Variants in ZYG11A observed in about 807,000 individuals in gnomAD.
The protein encoded by ZYG11A is protein zyg-11 homolog A.
In ZYG11A, 62 loss-of-function variants were observed where a neutral mutation model predicts 77.2. The ratio of observed to expected loss-of-function variants is 0.80; its 90% CI spans 0.65 to 0.99. The LOEUF is 0.99. Among genes scored for constraint, ZYG11A ranks in the 50% least tolerant of loss-of-function variants. ZYG11A has a pLI of 0.00. For missense variants in ZYG11A, 828 were observed against 896.8 expected, an observed-to-expected ratio of 0.92 and a Z score of 0.98; for synonymous variants, 315 against 324.6, an observed-to-expected ratio of 0.97 and a Z score of 0.32.
chr1:52,863,958 A>G (rs1449029855), intron 4 of ZYG11A, 23 bp from the exon 5 acceptor site: 3 of 1,540,984 alleles, frequency 1.9e-6, no homozygotes, highest in Admixed American at 2.0e-5. Flanking sequence ...CATCATATGC[A>G]CTAAAAACAA....
chr1:52,854,182 A>G (rs1250436486), intron 1 of ZYG11A, among the ~76,000 whole-genome samples: 11 of 152,354 alleles, frequency 7.2e-5, no homozygotes, highest in Non-Finnish European at 1.3e-4. Flanking sequence ...ACCATTTTAT[A>G]TAAGGAGACT....
At chr1:52,892,736 A>G in intron 13 of ZYG11A, 46 bp from the exon 14 acceptor site, 1 of 1,510,102 alleles carries the variant, frequency 6.6e-7, no homozygotes. Context: ...GGGAGTATTT[A>G]AAATGCCAGT....
At chr1:52,866,264 T>C (rs768134891) in intron 5 of ZYG11A, among the ~76,000 whole-genome samples, 1 of 152,090 alleles carries the variant, frequency 6.6e-6, no homozygotes, top group African/African-American at 2.4e-5. Flanking sequence ...AAAAATACAG[T>C]TAGGAAGGTG....
intron 8 of ZYG11A, among the ~76,000 whole-genome samples, chr1:52,873,648 G>A (rs1230096107): frequency 6.6e-6 from 1 of 152,134 alleles, no homozygotes; most frequent in Non-Finnish European, 1.5e-5. Context: ...AAACCTGGTT[G>A]GATGAGACAG....
At chr1:52,844,843 T>G (rs1017108458) in intron 1 of ZYG11A, among the ~76,000 whole-genome samples, 1 of 152,174 alleles carries the variant, frequency 6.6e-6, no homozygotes. Flanking sequence ...TATATTGATC[T>G]TGTATCCTAC....
In ZYG11A at chr1:52,859,672, T is replaced by TGCC. The variant is rs1557436693; in HGVS notation, c.1009-1059_1009-1058insGCC. 3.9e-5 allele frequency among the ~76,000 whole-genome samples: 4 copies of TGCC among 101,784 alleles called. 2 individuals carry two copies. The highest frequency in any genetic ancestry group is 1.8e-4 in the African/African-American group (4 of 22,114). The allele number at this position is 101,784 out of a possible 152,430, so 66.8% of individuals were successfully genotyped here. A position where few individuals can be genotyped will look rare whatever the true frequency, so the allele number is the denominator to read the frequency against. The stretch of plus-strand genomic sequence containing the variant: ...TTTATCTGTTTGTGTATTGCCTTTT[T>TGCC]TTTTTTTTTTTTTTTTTTTTTTTGA... On this transcript the variant is annotated intron_variant, in intron 3 of 13. Coordinates refer to ENST00000371528, the MANE Select transcript of ZYG11A (RefSeq NM_001004339.3).
intron 2 of ZYG11A, among the ~76,000 whole-genome samples, chr1:52,856,514 GT>G (rs1645815793): frequency 6.6e-6 from 1 of 150,826 alleles, no homozygotes; most frequent in Non-Finnish European, 1.5e-5. Context: ...CAACCCATTC[GT>G]TTTACAGATG....
intron 1 of ZYG11A, among the ~76,000 whole-genome samples, chr1:52,843,644 T>C (rs1280042489): frequency 2.0e-5 from 3 of 152,102 alleles, no homozygotes; most frequent in Admixed American, 6.5e-5. Flanking sequence ...AATGTGTGTT[T>C]AGCGCCTGCT....
chr1:52,867,958 CT>C lies in ZYG11A; in HGVS notation c.1542+207del, dbSNP rs1050261180. ...TCTTTTGGTATGTACCTCCACATTT[CT>C]TTTTTTTTTTTTTTTTTTTTTTTTT... On this transcript the variant is annotated intron_variant, in intron 8 of 13. Coordinates refer to ENST00000371528, the MANE Select transcript of ZYG11A (RefSeq NM_001004339.3). 1.1e-3 allele frequency among the ~76,000 whole-genome samples: 110 copies of C among 98,162 alleles called. 4 individuals are homozygous for C. Among genetic ancestry groups the C allele is most frequent in the East Asian group, 4.2e-3 (8 of 1,926 alleles). 64.4% of individuals were successfully genotyped at this position (98,162 alleles called of 152,430 possible).
chr1:52,860,900 T>C (rs774233930), intron 4 of ZYG11A, 29 bp downstream of exon 4: 7 of 1,543,520 alleles, frequency 4.5e-6, no homozygotes, highest in Non-Finnish European at 4.4e-6. Flanking sequence ...TTTTTACTAT[T>C]ACTTCTTAAC....
Position 52,881,634 on chromosome 1 carries a change from ACTT to A in ZYG11A, c.1915_1917del (p.Phe639del). On this transcript the variant is annotated inframe_deletion, in exon 11 of 14. Coordinates refer to ENST00000371528, the MANE Select transcript of ZYG11A (RefSeq NM_001004339.3). ...GACAGACAGCTTTGGATATCCCGTG[ACTT>A]CCAGAGGCGTACTCTTCTCCAAGAT... The A allele has an allele frequency of 6.4e-7, 1 of 1,552,304 alleles. No individual in the cohort carries two copies. Among genetic ancestry groups the A allele is most frequent in the Middle Eastern group, 1.7e-4 (1 of 5,998 alleles).
intron 8 of ZYG11A, among the ~76,000 whole-genome samples, chr1:52,877,132 C>T (rs908358136): frequency 6.6e-6 from 1 of 152,118 alleles, no homozygotes; most frequent in African/African-American, 2.4e-5. Flanking sequence ...CCTCTCCCCC[C>T]AGCCCCGTTC....
chr1:52,859,878 A>G (rs1457820372), intron 3 of ZYG11A, among the ~76,000 whole-genome samples: 2 of 151,506 alleles, frequency 1.3e-5, no homozygotes, highest in East Asian at 3.9e-4. Context: ...AGGATTTACC[A>G]TGTTGGCCAG....
At chr1:52,885,364 G>A (rs1166781705) in intron 11 of ZYG11A, among the ~76,000 whole-genome samples, 1 of 150,592 alleles carries the variant, frequency 6.6e-6, no homozygotes, top group African/African-American at 2.5e-5. Flanking sequence ...GAGATGCCCG[G>A]CTAATTTTTT....
At position 52,864,165 on chromosome 1, in the gene ZYG11A, C is replaced by T. The variant is rs1488457267; in HGVS notation, c.1326+8C>T. On this transcript the variant is annotated splice_region_variant and intron_variant, in intron 5 of 13. Transcript: ENST00000371528. The stretch of plus-strand genomic sequence containing the variant: ...TTCCCCCATTACCAGCAGGTAATTT[C>T]AATTGAATATTTGTTTGTGCTTTTT... The T allele has an allele frequency of 6.4e-7, 1 of 1,550,444 alleles. No individual in the cohort carries two copies. Among genetic ancestry groups the T allele is most frequent in the Non-Finnish European group, 8.7e-7 (1 of 1,146,172 alleles).
intron 1 of ZYG11A, among the ~76,000 whole-genome samples, chr1:52,845,307 CTT>C (rs34851064): frequency 3.8e-5 from 5 of 130,806 alleles, no homozygotes; most frequent in Admixed American, 8.1e-5. Flanking sequence ...ATGGTCTGTG[CTT>C]TTTTTTTTTT....
At chr1:52,872,505 A>T (rs150482386) in intron 8 of ZYG11A, among the ~76,000 whole-genome samples, 6 of 152,268 alleles carry the variant, frequency 3.9e-5, no homozygotes, top group Admixed American at 3.3e-4. Context: ...CCTGCTTGTT[A>T]TACGATATCC....
At chr1:52,860,452 C>T (rs1181321386) in intron 3 of ZYG11A, among the ~76,000 whole-genome samples, 1 of 152,134 alleles carries the variant, frequency 6.6e-6, no homozygotes, top group East Asian at 1.9e-4. Context: ...CGCCTGCCAC[C>T]ACGCCTGGCT....
At position 52,886,967 on chromosome 1, in the gene ZYG11A, C is replaced by T; in HGVS notation, c.2018C>T (p.Thr673Ile). 5 of 1,546,346 alleles carry T rather than the reference C, an allele frequency of 3.2e-6. No homozygotes were observed. The highest frequency in any genetic ancestry group is 4.4e-6 in the Non-Finnish European group (5 of 1,142,710). The change falls in exon 13 of 14, where the codon ACA (threonine) becomes ATA (isoleucine). Residue 673 changes from threonine to isoleucine, a missense_variant. Transcript: ENST00000371528. ...TTTTTTTGTTTTAGATCTTTCAAGA[C>T]ATTTTTCCCGCTCCTTGGCAACTTC... ...TALVTYRSFK[T>I]FFPLLGNFSQ...
Sources: allele counts gnomAD v4.1 joint callset (sites outside exome capture counted in the v4.1 genomes callset), GRCh38; gene constraint gnomAD v4.1.1; transcripts MANE v1.5; gene names NCBI Gene and HGNC (gene_info 2026-07-23, HGNC 2026-07-21).